Variants in TXLNB observed in about 807,000 individuals in gnomAD.
The protein encoded by TXLNB is beta-taxilin.
A neutral mutation model predicts 57.4 loss-of-function variants in TXLNB; 37 were observed. The ratio of observed to expected loss-of-function variants is 0.64; its 90% CI spans 0.50 to 0.85. The LOEUF (loss-of-function observed/expected upper bound fraction) is 0.85. TXLNB is among the 40% of genes least tolerant of loss of function. The probability of loss-of-function intolerance (pLI) is 0.00; values close to 1 mark genes in which losing one functional copy is unlikely to be tolerated. For missense variants in TXLNB, 848 were observed against 825.6 expected, an observed-to-expected ratio of 1.03 and a Z score of -0.33; for synonymous variants, 302 against 309.6, an observed-to-expected ratio of 0.98 and a Z score of 0.26.
chr6:139,265,360 T>C (rs759702677), intron 4 of TXLNB, among the ~76,000 whole-genome samples: 4 of 152,188 alleles, frequency 2.6e-5, no homozygotes, highest in Non-Finnish European at 5.9e-5. Context: ...ATGATTTTGT[T>C]GAAACAAACC....
chr6:139,279,482 A>C (rs941725335), intron 2 of TXLNB, among the ~76,000 whole-genome samples: 12 of 152,178 alleles, frequency 7.9e-5, no homozygotes, highest in Admixed American at 5.2e-4. Flanking sequence ...AAAACTGGAG[A>C]TTAATTAAAA....
At chr6:139,163,694 G>C in the TXLNB span, among the ~76,000 whole-genome samples, 3 of 152,102 alleles carry the variant, frequency 2.0e-5, no homozygotes, top group African/African-American at 7.2e-5. Flanking sequence ...TTGTTTTTCA[G>C]TAAATTCTGA....
chr6:139,294,422 T>C (rs183344575), upstream of TXLNB, among the ~76,000 whole-genome samples: 1 of 152,170 alleles, frequency 6.6e-6, no homozygotes, highest in Non-Finnish European at 1.5e-5. Context: ...ATGGTCTGAA[T>C]GTTTGTGTCC....
the TXLNB span, among the ~76,000 whole-genome samples, chr6:139,299,201 T>G: frequency 2.6e-5 from 4 of 152,160 alleles, no homozygotes; most frequent in African/African-American, 9.7e-5. Context: ...AGGGATTGCC[T>G]TGTTGCTGCA....
At chr6:139,261,072 G>T (rs543351624) in intron 5 of TXLNB, among the ~76,000 whole-genome samples, 2 of 152,160 alleles carry the variant, frequency 1.3e-5, no homozygotes, top group Admixed American at 6.5e-5. Flanking sequence ...TTGACCTCTG[G>T]ACTAGTTTGG....
At chr6:139,303,854 G>T in the TXLNB span, among the ~76,000 whole-genome samples, 1 of 149,418 alleles carries the variant, frequency 6.7e-6, no homozygotes, top group African/African-American at 2.5e-5. Flanking sequence ...TCCAGTTCCT[G>T]GTCTTTTTTT....
chr6:139,174,555 A>T, the TXLNB span: 2 of 1,610,304 alleles, frequency 1.2e-6, no homozygotes, highest in Non-Finnish European at 8.5e-7. Context: ...TACTGAACAC[A>T]CTGAGGGAGC....
chr6:139,162,900 TA>T, the TXLNB span, among the ~76,000 whole-genome samples: 1 of 152,120 alleles, frequency 6.6e-6, no homozygotes, highest in Non-Finnish European at 1.5e-5. Flanking sequence ...AACATGGTGT[TA>T]AGGCTCAGCC....
the TXLNB span, chr6:139,183,431 T>TA: frequency 6.6e-6 from 1 of 152,246 alleles, no homozygotes; most frequent in Non-Finnish European, 1.5e-5. Context: ...TTGTGCATGT[T>TA]ACTTTTGAAG....
chr6:139,311,893 T>G, the TXLNB span, among the ~76,000 whole-genome samples: 1 of 152,078 alleles, frequency 6.6e-6, no homozygotes, highest in Non-Finnish European at 1.5e-5. Context: ...TGTTGAAAGC[T>G]CTCTTCCTGG....
intron 2 of TXLNB, among the ~76,000 whole-genome samples, chr6:139,281,539 CTTTTTTTTTTTTTTT>C (rs745650982): frequency 3.5e-5 from 2 of 57,488 alleles, no homozygotes; most frequent in Admixed American, 3.2e-4. Flanking sequence ...ATCTGGAGTT[CTTTTTTTTTTTTTTT>C]TTTTTTTTTT....
rs779128036 is a variant in TXLNB at position 139,242,697 on chromosome 6, T to G, written c.1884A>C (p.Ala628=). 1.2e-6 allele frequency: 2 copies of G among 1,611,210 alleles called. No homozygotes were observed. The highest frequency in any genetic ancestry group is 1.7e-6 in the Non-Finnish European group (2 of 1,179,054). ...CTGCGCATGCTGGAGCAGGCACATC[T>G]GCCTCCATCTTCTGTAGGGAGGCCT... ...PTEASLQKME[A]DVPAPACAAE... Residue 628 remains alanine (A), a synonymous_variant, in exon 10 of 10, where the codon GCA becomes GCC. Coordinates refer to ENST00000358430, the MANE Select transcript of TXLNB (RefSeq NM_153235.4).
intron 5 of TXLNB, 93 bp from the exon 6 acceptor site, chr6:139,260,530 G>C: frequency 7.4e-7 from 1 of 1,350,136 alleles, no homozygotes; most frequent in South Asian, 1.3e-5. Context: ...ACATTCCCCA[G>C]GTTTTAAGAT....
the TXLNB span, among the ~76,000 whole-genome samples, chr6:139,205,564 A>G: frequency 6.6e-6 from 1 of 152,202 alleles, no homozygotes; most frequent in African/African-American, 2.4e-5. Context: ...AGACTAGAAC[A>G]AGTAGAAGAA....
At chr6:139,184,694 A>T in the TXLNB span, among the ~76,000 whole-genome samples, 1 of 152,196 alleles carries the variant, frequency 6.6e-6, no homozygotes, top group Non-Finnish European at 1.5e-5. Context: ...GATAGCATTG[A>T]TCTATCCAGT....
At position 139,283,432 on chromosome 6, in the gene TXLNB, C is replaced by T. The variant is rs1257437070; in HGVS notation, c.424+5044G>A. Among the ~76,000 whole-genome samples the T allele has an allele frequency of 1.1e-4, 16 of 144,380 alleles. 1 individual carries two copies. The highest frequency in any genetic ancestry group is 4.1e-4 in the African/African-American group (16 of 39,124). 94.7% of individuals were successfully genotyped at this position (144,380 alleles called of 152,430 possible). The stretch of plus-strand genomic sequence containing the variant: ...TCTCTACTAAAAATACAAAATTAGC[C>T]GGGAGTGGTGGCACATGCCTGTAAT... On this transcript the variant is annotated intron_variant, in intron 2 of 9. Transcript: ENST00000358430.
intron 2 of TXLNB, among the ~76,000 whole-genome samples, chr6:139,277,521 A>G (rs959106062): frequency 8.5e-5 from 13 of 152,134 alleles, no homozygotes; most frequent in African/African-American, 3.1e-4. Context: ...TGGAGTGGGA[A>G]TAACTCTGAT....
intron 6 of TXLNB, among the ~76,000 whole-genome samples, chr6:139,256,366 G>T (rs969592190): frequency 6.6e-6 from 1 of 151,688 alleles, no homozygotes; most frequent in Non-Finnish European, 1.5e-5. Context: ...TTTCTCTTTT[G>T]TCGCCCAGGC....
chr6:139,310,082 G>T, the TXLNB span, among the ~76,000 whole-genome samples: 1 of 151,996 alleles, frequency 6.6e-6, no homozygotes, highest in Non-Finnish European at 1.5e-5. Context: ...TGATATTTTG[G>T]GTATCACACC....
Sources: allele counts gnomAD v4.1 joint callset (sites outside exome capture counted in the v4.1 genomes callset), GRCh38; gene constraint gnomAD v4.1.1; transcripts MANE v1.5; gene names NCBI Gene and HGNC (gene_info 2026-07-23, HGNC 2026-07-21).